The following EIF4ENIF1 variants were observed in gnomAD, a reference collection of about 807,000 sequenced individuals.
EIF4ENIF1 encodes eukaryotic translation initiation factor 4E nuclear import factor 1, also known as eukaryotic translation initiation factor 4E transporter.
A neutral mutation model predicts 110.5 loss-of-function variants in EIF4ENIF1; 23 were observed. That is an observed-to-expected ratio of 0.21 (90% CI 0.15 to 0.29). The LOEUF (loss-of-function observed/expected upper bound fraction) is 0.29. Among genes scored for constraint, EIF4ENIF1 ranks in the 10% least tolerant of loss-of-function variants. The pLI, the probability that EIF4ENIF1 is intolerant of heterozygous loss-of-function variation, is 1.00. For synonymous variants in EIF4ENIF1, 440 were observed against 437.0 expected (o/e 1.01, Z -0.09); for missense variants, 1,031 against 1,221.1 (o/e 0.84, Z 2.32).
chr22:31,452,452 G>A (rs889209242), intron 10 of EIF4ENIF1, among the ~76,000 whole-genome samples: 1 of 152,128 alleles, frequency 6.6e-6, no homozygotes, highest in Non-Finnish European at 1.5e-5. Flanking sequence ...ATACACTTCT[G>A]AGTGCTAAAA....
At chr22:31,452,066 A>C (rs1253726595) in intron 10 of EIF4ENIF1, among the ~76,000 whole-genome samples, 3 of 152,234 alleles carry the variant, frequency 2.0e-5, no homozygotes, top group Non-Finnish European at 1.5e-5. Flanking sequence ...ACAAATAGAC[A>C]ACTTTATACT....
At chr22:31,486,385 A>G (rs2052029655) in intron 2 of EIF4ENIF1, among the ~76,000 whole-genome samples, 1 of 151,866 alleles carries the variant, frequency 6.6e-6, no homozygotes, top group Non-Finnish European at 1.5e-5. Flanking sequence ...AATCGCTTGA[A>G]CCAGGGAGGC....
At chr22:31,492,429 G>A (rs1284629086), upstream of EIF4ENIF1, among the ~76,000 whole-genome samples, 1 of 152,182 alleles carries the variant, frequency 6.6e-6, no homozygotes, top group African/African-American at 2.4e-5. Context: ...TAGCTATCAT[G>A]ATTTGATAGC....
chr22:31,459,867 C>A (rs1221198080), intron 6 of EIF4ENIF1, among the ~76,000 whole-genome samples: 1 of 152,204 alleles, frequency 6.6e-6, no homozygotes, highest in East Asian at 1.9e-4. Flanking sequence ...TGAAATCCAT[C>A]CCTTCTCTCC....
chr22:31,463,127 A>C lies in EIF4ENIF1; in HGVS notation c.592T>G (p.Phe198Val). The C allele has an allele frequency of 6.2e-7, 1 of 1,613,182 alleles. No individual in the cohort carries two copies. Among genetic ancestry groups the C allele is most frequent in the Non-Finnish European group, 8.5e-7 (1 of 1,179,840 alleles). The change falls in exon 6 of 19, where the codon TTT becomes GTT. Residue 198 changes from phenylalanine (F) to valine (V), a missense_variant. Physicochemically the swap from Phe to Val is conservative, Grantham distance 50. Coordinates refer to ENST00000330125, the MANE Select transcript of EIF4ENIF1 (RefSeq NM_019843.4). ...DFKDKRFRRE[F>V]GDSKRVFGER... ...CCAAAGACACGCTTACTATCTCCAA[A>C]CTCTCTCTGGAAAAGTACATAAAGC...
chr22:31,480,648 G>A (rs1050782824), intron 2 of EIF4ENIF1, among the ~76,000 whole-genome samples: 4 of 151,762 alleles, frequency 2.6e-5, no homozygotes, highest in African/African-American at 9.7e-5. Flanking sequence ...CCAGCTACTC[G>A]GGAGGCTAAG....
At chr22:31,484,287 A>G (rs138957896) in intron 2 of EIF4ENIF1, among the ~76,000 whole-genome samples, 141 of 152,276 alleles carry the variant, frequency 9.3e-4, no homozygotes, top group African/African-American at 3.2e-3. Flanking sequence ...ATGTCTTCAC[A>G]CAAAAGGAAA....
chr22:31,480,995 G>A (rs1354511837), intron 2 of EIF4ENIF1, among the ~76,000 whole-genome samples: 1 of 152,074 alleles, frequency 6.6e-6, no homozygotes, highest in Non-Finnish European at 1.5e-5. Context: ...CCTGGGAGGT[G>A]GAGGTTGCAG....
intron 6 of EIF4ENIF1, among the ~76,000 whole-genome samples, chr22:31,462,280 G>T (rs2051019911): frequency 6.6e-6 from 1 of 151,930 alleles, no homozygotes. Flanking sequence ...TCAGGAGTTC[G>T]AGACCAGCCT....
Position 31,439,584 on chromosome 22 carries a change from C to T in EIF4ENIF1, c.*296G>A. ...TCTATACATTTATTTCCTCAGAACC[C>T]TTAGGTGCCACCTCTTGGTGAGGAC... On this transcript the variant is annotated 3_prime_UTR_variant, in exon 19 of 19. Coordinates refer to ENST00000330125, the MANE Select transcript of EIF4ENIF1 (RefSeq NM_019843.4). The T allele has an allele frequency of 2.4e-6, 1 of 411,324 alleles. No individual in the cohort carries two copies. Among genetic ancestry groups the T allele is most frequent in the Non-Finnish European group, 4.4e-6 (1 of 227,596 alleles). 25.5% of individuals were successfully genotyped at this position (411,324 alleles called of 1,614,324 possible). A position where few individuals can be genotyped will look rare whatever the true frequency, so the allele number is the denominator to read the frequency against.
chr22:31,441,409 G>A (rs1292450946), intron 17 of EIF4ENIF1, among the ~76,000 whole-genome samples: 7 of 151,108 alleles, frequency 4.6e-5, no homozygotes, highest in East Asian at 3.9e-4. Context: ...GTGTGGCGGC[G>A]TGCACCTGTA....
intron 2 of EIF4ENIF1, among the ~76,000 whole-genome samples, chr22:31,475,176 T>C (rs142118450): frequency 0.012 from 1,849 of 152,340 alleles, 14 homozygotes; most frequent in Middle Eastern, 0.037. Context: ...ACCTGTCTTA[T>C]AACTGGATAG....
chr22:31,453,646 T>TAC (rs1424448962), intron 10 of EIF4ENIF1, among the ~76,000 whole-genome samples: 1 of 152,186 alleles, frequency 6.6e-6, no homozygotes, highest in Non-Finnish European at 1.5e-5. Context: ...GTGCTGGGAT[T>TAC]ACACGCGTGA....
chr22:31,478,356 T>TA (rs56294322), intron 2 of EIF4ENIF1, among the ~76,000 whole-genome samples: 33,009 of 151,166 alleles, frequency 0.22, 4,610 homozygotes, highest in East Asian at 0.44. Flanking sequence ...CTACTAAAAA[T>TA]AAAAAAACTA....
In EIF4ENIF1 at chr22:31,447,539, T is replaced by C; in HGVS notation, c.1875A>G (p.Ala625=). ...AQMSQLELQQ[A]ALEGLALPHD... is the part of the protein sequence containing the mutation. ...GTGGCAAGGCCAGCCCTTCTAAAGC[T>C]GCCTGTTGCAACTCCAGCTGGCTCA... The change falls in exon 14 of 19, where the codon GCA becomes GCG. Residue 625 remains alanine (A), a synonymous_variant. Transcript: ENST00000330125. The C allele has an allele frequency of 6.2e-7, 1 of 1,607,456 alleles. No individual in the cohort carries two copies. The highest frequency in any genetic ancestry group is 8.5e-7 in the Non-Finnish European group (1 of 1,175,624).
Position 31,482,182 on chromosome 22 carries a change from A to C in EIF4ENIF1, c.96+6441T>G, listed in dbSNP as rs80198361. Among the ~76,000 whole-genome samples, 3 of 151,678 alleles carry C rather than the reference A, an allele frequency of 2.0e-5. No individual in the cohort carries two copies. The South Asian group carries it at 6.3e-4, about 32-fold the overall frequency. ...GCCTGTCTCAAAAAAAAAAAAAAAA[A>C]TTCCACATGAAGTTAAACTAAGATA... On this transcript the variant is annotated intron_variant, in intron 2 of 18. Coordinates refer to ENST00000330125, the MANE Select transcript of EIF4ENIF1 (RefSeq NM_019843.4).
chr22:31,488,693 G>A lies in EIF4ENIF1; in HGVS notation c.26C>T (p.Thr9Ile), dbSNP rs1233647237. 6.2e-7 allele frequency: 1 copy of A among 1,614,098 alleles called. No individual in the cohort carries two copies. Among genetic ancestry groups the A allele is most frequent in the Admixed American group, 1.7e-5 (1 of 60,008 alleles). The change falls in exon 2 of 19, where the codon ACA becomes ATA. Residue 9 changes from threonine to isoleucine, a missense_variant. By Grantham distance (89) the Thr-to-Ile change is moderately conservative (BLOSUM62 -1). Transcript: ENST00000330125. ...GTCAAGGAAAGCATCTCCACTTTCT[G>A]TTTCACCCATACTTCTCCTATCCAT... MDRRSMGETESGDAFLDLK... is the reference protein window; with the variant it reads MDRRSMGEIESGDAFLDLK...
chr22:31,440,030 G>A lies in EIF4ENIF1; in HGVS notation c.2808C>T (p.His936=). The A allele has an allele frequency of 6.2e-7, 1 of 1,614,038 alleles. No individual in the cohort carries two copies. Among genetic ancestry groups the A allele is most frequent in the Non-Finnish European group, 8.5e-7 (1 of 1,179,942 alleles). Residue 936 remains histidine (H), a synonymous_variant, in exon 19 of 19, where the codon CAC becomes CAT. Transcript: ENST00000330125. ...GGCGATGCTCCAGCTGGGAGTGCATGTGGGGCAGGCCTGACCGGCTGGGCA... is the reference window on the plus strand; with the variant it reads ...GGCGATGCTCCAGCTGGGAGTGCATATGGGGCAGGCCTGACCGGCTGGGCA... The part of the protein sequence containing the change: ...QNVPSRSGLP[H]MHSQLEHRPS...
Position 31,488,617 on chromosome 22 carries a change from C to A in EIF4ENIF1, c.96+6G>T, listed in dbSNP as rs780412548. ...GAAACACTATTTCATTAGTGGCAAACCTTACTTTTGTATAGCGATGGGGGC... is the reference window on the plus strand; with the variant it reads ...GAAACACTATTTCATTAGTGGCAAAACTTACTTTTGTATAGCGATGGGGGC... On this transcript the variant is annotated splice_donor_region_variant and intron_variant, in intron 2 of 18. Transcript: ENST00000330125. The A allele has an allele frequency of 6.2e-7, 1 of 1,613,966 alleles. No homozygotes were observed. Among genetic ancestry groups the A allele is most frequent in the Admixed American group, 1.7e-5 (1 of 59,992 alleles).
Sources: allele counts gnomAD v4.1 joint callset (sites outside exome capture counted in the v4.1 genomes callset), GRCh38; gene constraint gnomAD v4.1.1; transcripts MANE v1.5; gene names NCBI Gene and HGNC (gene_info 2026-07-23, HGNC 2026-07-21).